PIAS2: variants seen among roughly 807,000 people sequenced by gnomAD.
PIAS2 encodes the protein protein inhibitor of activated STAT 2, also known as E3 SUMO-protein ligase PIAS2.
PIAS2 carries 19 observed loss-of-function variants against 69.7 expected under a neutral mutation model. The ratio of observed to expected loss-of-function variants is 0.27; its 90% CI spans 0.19 to 0.40. The LOEUF is 0.40. Among genes scored for constraint, PIAS2 ranks in the 10% least tolerant of loss-of-function variants. The pLI is 1.00. For synonymous variants in PIAS2, 261 were observed against 263.2 expected (o/e 0.99, Z 0.08); for missense variants, 624 against 757.0 (o/e 0.82, Z 2.06).
chr18:46,877,653 G>C (rs1332596357), intron 2 of PIAS2, among the ~76,000 whole-genome samples: 1 of 152,080 alleles, frequency 6.6e-6, no homozygotes, highest in Non-Finnish European at 1.5e-5. Flanking sequence ...AGTTGGGTCA[G>C]TGTAGATTGT....
In PIAS2 at chr18:46,917,356, C is replaced by CCGCGGG; in HGVS notation, c.-17_-12dup. On this transcript the variant is annotated 5_prime_UTR_variant, in exon 1 of 14. Transcript: ENST00000585916. ...TTCGAAATCCGCCATTTTATACCACCCGCGGGCGCCGCCGCCGCTGCCGCC... is the reference window on the plus strand; with the variant it reads ...TTCGAAATCCGCCATTTTATACCACCCGCGGGCGCGGGCGCCGCCGCCGCTGCCGCC... 1 of 1,464,570 alleles carries CCGCGGG rather than the reference C, an allele frequency of 6.8e-7. No individual in the cohort carries two copies. Among genetic ancestry groups the CCGCGGG allele is most frequent in the Non-Finnish European group, 9.1e-7 (1 of 1,103,054 alleles). The allele number at this position is 1,464,570 out of a possible 1,614,324, so 90.7% of individuals were successfully genotyped here. A position where few individuals can be genotyped will look rare whatever the true frequency, so the allele number is the denominator to read the frequency against.
Position 46,810,614 on chromosome 18 carries a change from C to T in PIAS2, c.*1819G>A, listed in dbSNP as rs1466439529. ...CCAACATCTTTAAAATAAGCAGCCC[C>T]CACAAAGGGATAATCCATTGAATAA... is the stretch of plus-strand genomic sequence containing the variant. On this transcript the variant is annotated 3_prime_UTR_variant, in exon 14 of 14. Transcript: ENST00000585916. 1 of 151,902 alleles carries T rather than the reference C, an allele frequency of 6.6e-6. No homozygotes were observed. The highest frequency in any genetic ancestry group is 6.6e-5 in the Admixed American group (1 of 15,250). The allele number at this position is 151,902 out of a possible 1,614,324, so 9.4% of individuals were successfully genotyped here. A position where few individuals can be genotyped will look rare whatever the true frequency, so the allele number is the denominator to read the frequency against.
intron 11 of PIAS2, among the ~76,000 whole-genome samples, chr18:46,821,321 GTGC>G (rs1313098320): frequency 6.6e-6 from 1 of 152,150 alleles, no homozygotes; most frequent in African/African-American, 2.4e-5. Flanking sequence ...ACAATGTACA[GTGC>G]TGGAGTGAGA....
intron 6 of PIAS2, 37 bp from the exon 7 acceptor site, chr18:46,844,876 G>A: frequency 1.3e-6 from 1 of 799,868 alleles, no homozygotes; most frequent in South Asian, 2.1e-5. Context: ...TTAAAGATGA[G>A]AGATAATATT....
At chr18:46,867,915 T>A (rs553960590) in intron 2 of PIAS2, among the ~76,000 whole-genome samples, 1 of 152,220 alleles carries the variant, frequency 6.6e-6, no homozygotes, top group Admixed American at 6.5e-5. Flanking sequence ...GGGACACTCA[T>A]TCTTGGAACC....
intron 9 of PIAS2, among the ~76,000 whole-genome samples, chr18:46,830,248 T>G (rs2043404697): frequency 6.6e-6 from 1 of 151,864 alleles, no homozygotes; most frequent in Admixed American, 6.6e-5. Context: ...AAACTTTAAC[T>G]TCGAGAAAAA....
intron 1 of PIAS2, chr18:46,901,244 C>T: frequency 2.4e-6 from 1 of 413,316 alleles, no homozygotes; most frequent in Non-Finnish European, 4.8e-6. Flanking sequence ...ATGGAGAACC[C>T]CATCTCTAAG....
chr18:46,842,753 C>G (rs1011738442), intron 8 of PIAS2, among the ~76,000 whole-genome samples: 2 of 152,138 alleles, frequency 1.3e-5, no homozygotes, highest in African/African-American at 4.8e-5. Flanking sequence ...CAGAGGAAGT[C>G]GTGTGTCCTT....
rs2040987884 is a variant in PIAS2 at position 46,811,312 on chromosome 18, T to A, written c.*1121A>T. 1 of 151,478 alleles carries A rather than the reference T, an allele frequency of 6.6e-6. No homozygotes were observed. Among genetic ancestry groups the A allele is most frequent in the Non-Finnish European group, 1.5e-5 (1 of 67,916 alleles). The allele number at this position is 151,478 out of a possible 1,614,324, so 9.4% of individuals were successfully genotyped here. A position where few individuals can be genotyped will look rare whatever the true frequency, so the allele number is the denominator to read the frequency against. Reference sequence around the variant, plus strand: ...CTGTCCCTTTCCCTAAGTTTGAAAATCACTGCTGAGACTGAAATTACATTG... The same window carrying A: ...CTGTCCCTTTCCCTAAGTTTGAAAAACACTGCTGAGACTGAAATTACATTG... On this transcript the variant is annotated 3_prime_UTR_variant, in exon 14 of 14. Coordinates refer to ENST00000585916, the MANE Select transcript of PIAS2 (RefSeq NM_004671.5).
intron 5 of PIAS2, among the ~76,000 whole-genome samples, chr18:46,851,057 TG>T (rs2046892323): frequency 6.6e-6 from 1 of 152,182 alleles, no homozygotes; most frequent in Non-Finnish European, 1.5e-5. Context: ...CTCTTCAAAT[TG>T]GGGTGAGTGT....
At chr18:46,858,538 A>C (rs1029991310) in intron 3 of PIAS2, among the ~76,000 whole-genome samples, 1 of 152,146 alleles carries the variant, frequency 6.6e-6, no homozygotes, top group East Asian at 1.9e-4. Flanking sequence ...CTATGCAAAA[A>C]ATAGAAAAAT....
chr18:46,864,062 G>A (rs1456575775), intron 3 of PIAS2, 102 bp downstream of exon 3: 3 of 620,092 alleles, frequency 4.8e-6, no homozygotes, highest in Non-Finnish European at 8.2e-6. Flanking sequence ...AAAAACAAAA[G>A]TCTGTTGTTT....
chr18:46,885,724 T>C (rs1045061714), intron 2 of PIAS2, among the ~76,000 whole-genome samples: 7 of 151,738 alleles, frequency 4.6e-5, no homozygotes, highest in South Asian at 2.1e-4. Context: ...CTGAAAAACA[T>C]TGTTTTTAGT....
chr18:46,844,642 T>G (rs973559266), intron 7 of PIAS2, 92 bp downstream of exon 7: 10 of 445,182 alleles, frequency 2.2e-5, no homozygotes, highest in Admixed American at 8.0e-5. Context: ...ACTAATATAT[T>G]GATGTGAGCA....
chr18:46,818,393 T>C (rs2041797542), intron 12 of PIAS2: 9 of 1,586,044 alleles, frequency 5.7e-6, no homozygotes, highest in Non-Finnish European at 7.7e-6. Context: ...TTGCACAGTA[T>C]CAGAAGATGT....
At chr18:46,907,693 T>A (rs1054405489) in intron 1 of PIAS2, 7 of 152,094 alleles carry the variant, frequency 4.6e-5, no homozygotes, top group African/African-American at 1.7e-4. Flanking sequence ...ATACGCATAT[T>A]TTTTTTTCAA....
intron 12 of PIAS2, chr18:46,816,526 G>A: frequency 2.6e-6 from 2 of 756,734 alleles, no homozygotes; most frequent in Non-Finnish European, 3.2e-6. Context: ...TGCCCAGGCT[G>A]GAGTGCAGAG....
At chr18:46,866,330 A>G (rs1310752277) in intron 2 of PIAS2, among the ~76,000 whole-genome samples, 1 of 152,236 alleles carries the variant, frequency 6.6e-6, no homozygotes, top group Non-Finnish European at 1.5e-5. Flanking sequence ...ACAAGGGAAC[A>G]ATGCAAATCA....
intron 2 of PIAS2, among the ~76,000 whole-genome samples, chr18:46,882,011 C>T (rs952909229): frequency 1.3e-5 from 2 of 151,966 alleles, no homozygotes; most frequent in South Asian, 4.2e-4. Flanking sequence ...GCAGGAGAAT[C>T]ACTTGAACCC....
Sources: allele counts gnomAD v4.1 joint callset (sites outside exome capture counted in the v4.1 genomes callset), GRCh38; gene constraint gnomAD v4.1.1; transcripts MANE v1.5; gene names NCBI Gene and HGNC (gene_info 2026-07-23, HGNC 2026-07-21).